The following NBDY variants were observed in gnomAD, a reference collection of about 807,000 sequenced individuals.
NBDY encodes the protein P-body dissociating protein.
At chrX:56,803,565 C>T (rs1055025503) in intron 2 of NBDY, among the ~76,000 whole-genome samples, 7 of 111,301 alleles carry the variant, frequency 6.3e-5, no homozygotes, top group Non-Finnish European at 1.3e-4. Context: ...GCTGCTTCTC[C>T]GTGGGGTCCA....
chrX:56,750,822 T>A (rs774013446), intron 2 of NBDY, among the ~76,000 whole-genome samples: 2 of 111,686 alleles, frequency 1.8e-5, no homozygotes, highest in South Asian at 3.8e-4. Context: ...TTCCCCGGTT[T>A]GGACCCTCAA....
chrX:56,799,192 C>A (rs1414253614), intron 2 of NBDY, among the ~76,000 whole-genome samples: 1 of 112,289 alleles, frequency 8.9e-6, no homozygotes, highest in Admixed American at 9.3e-5. Flanking sequence ...CAGGGGCGGC[C>A]CACCATGGGT....
chrX:56,791,662 G>T (rs1027593298), intron 2 of NBDY, among the ~76,000 whole-genome samples: 2 of 111,976 alleles, frequency 1.8e-5, no homozygotes, highest in African/African-American at 6.5e-5. Flanking sequence ...TCCTCATTAT[G>T]TATGTCACCA....
chrX:56,736,381 C>G (rs1158247018), intron 2 of NBDY, among the ~76,000 whole-genome samples: 1 of 112,011 alleles, frequency 8.9e-6, no homozygotes, highest in African/African-American at 3.2e-5. Flanking sequence ...TCTCCTGCCG[C>G]AGCCTCCCAA....
intron 2 of NBDY, among the ~76,000 whole-genome samples, chrX:56,740,620 A>G (rs767364173): frequency 5.5e-4 from 62 of 111,726 alleles, no homozygotes; most frequent in Non-Finnish European, 7.7e-4. Flanking sequence ...TACTTGAGGC[A>G]TTGTTAGTAT....
At chrX:56,749,904 G>C (rs2069576144) in intron 2 of NBDY, among the ~76,000 whole-genome samples, 1 of 111,296 alleles carries the variant, frequency 9.0e-6, no homozygotes, top group African/African-American at 3.3e-5. Flanking sequence ...GTCCGATTCA[G>C]CCTCCCAAAG....
intron 2 of NBDY, chrX:56,737,474 T>G: frequency 1.3e-6 from 1 of 755,314 alleles, no homozygotes. Context: ...TATTGTATCA[T>G]CTCTCATTAA....
intron 2 of NBDY, among the ~76,000 whole-genome samples, chrX:56,791,742 C>T (rs946113733): frequency 6.3e-5 from 7 of 111,404 alleles, no homozygotes; most frequent in Non-Finnish European, 1.1e-4. Context: ...TGTTCTTGTT[C>T]TCCTTCTGAT....
chrX:56,807,229 G>A (rs2069856481), intron 2 of NBDY, among the ~76,000 whole-genome samples: 1 of 112,118 alleles, frequency 8.9e-6, no homozygotes, highest in South Asian at 3.7e-4. Flanking sequence ...TTGTAGTGTA[G>A]TTTGAAGTTA....
At chrX:56,748,861 G>A (rs1209631990) in intron 2 of NBDY, among the ~76,000 whole-genome samples, 1 of 100,809 alleles carries the variant, frequency 9.9e-6, no homozygotes, top group Non-Finnish European at 2.0e-5. Context: ...GAGATGGGAT[G>A]AGAATGGAGG....
In NBDY at chrX:56,818,622, T is replaced by C. The variant is rs559722899; in HGVS notation, c.*1469T>C. The C allele has an allele frequency of 8.9e-6, 1 of 111,962 alleles. No homozygotes were observed. The highest frequency in any genetic ancestry group is 2.8e-4 in the East Asian group (1 of 3,586). The allele number at this position is 111,962 out of a possible 1,213,427, so 9.2% of individuals were successfully genotyped here. ...AAGATGACAACACTCTTCAAAATAA[T>C]CAAACTATTCAATGCAACCCTTATC... On this transcript the variant is annotated 3_prime_UTR_variant, in exon 3 of 3. Coordinates refer to ENST00000374922, the MANE Select transcript of NBDY (RefSeq NM_001348129.2).
chrX:56,765,714 C>T (rs2069661979), intron 2 of NBDY, among the ~76,000 whole-genome samples: 1 of 110,504 alleles, frequency 9.0e-6, no homozygotes, highest in South Asian at 3.9e-4. Context: ...TCCTCTTGCT[C>T]CTCCTCCTCC....
intron 2 of NBDY, among the ~76,000 whole-genome samples, chrX:56,805,911 G>A (rs763167102): frequency 5.4e-5 from 6 of 110,955 alleles, no homozygotes; most frequent in Non-Finnish European, 1.1e-4. Context: ...ATGGTGGTTT[G>A]CTGAACCCAT....
At chrX:56,797,532 G>A (rs1027110625) in intron 2 of NBDY, among the ~76,000 whole-genome samples, 3 of 110,463 alleles carry the variant, frequency 2.7e-5, no homozygotes, top group African/African-American at 6.6e-5. Context: ...AGCTGTCCTC[G>A]TGTTACTTTT....
intron 2 of NBDY, among the ~76,000 whole-genome samples, chrX:56,767,383 C>A (rs1292602557): frequency 8.8e-6 from 1 of 113,421 alleles, no homozygotes; most frequent in East Asian, 2.8e-4. Flanking sequence ...TTGGCGTCCA[C>A]TCTGGCCGCC....
At chrX:56,761,008 C>T (rs899100973) in intron 2 of NBDY, among the ~76,000 whole-genome samples, 3 of 111,863 alleles carry the variant, frequency 2.7e-5, no homozygotes, top group African/African-American at 6.5e-5. Context: ...GCATAGGCCT[C>T]CTAAGAAGGA....
chrX:56,792,567 C>A (rs1397827750), intron 2 of NBDY, among the ~76,000 whole-genome samples: 1 of 110,718 alleles, frequency 9.0e-6, no homozygotes, highest in East Asian at 2.8e-4. Context: ...CGTGCAGACA[C>A]AAACATTCAT....
intron 2 of NBDY, among the ~76,000 whole-genome samples, chrX:56,808,238 C>T (rs1018450942): frequency 5.4e-5 from 6 of 111,821 alleles, no homozygotes; most frequent in Non-Finnish European, 7.5e-5. Flanking sequence ...CTCTGTCAGG[C>T]TTTGGTATCA....
intron 2 of NBDY, among the ~76,000 whole-genome samples, chrX:56,809,038 G>A (rs2069870855): frequency 8.9e-6 from 1 of 112,434 alleles, no homozygotes; most frequent in African/African-American, 3.2e-5. Flanking sequence ...TTCAGATGCA[G>A]GCTGTTCAGT....
Sources: gnomAD v4.1 joint callset for allele counts (sites outside exome capture counted in the v4.1 genomes callset) on GRCh38, gnomAD v4.1.1 for gene constraint, MANE v1.5 for transcripts, NCBI Gene and HGNC (gene_info 2026-07-23, HGNC 2026-07-21) for gene names.